Variants in DLC1 observed in about 807,000 individuals in gnomAD.
DLC1 encodes the protein rho GTPase-activating protein 7.
In DLC1, 54 loss-of-function variants were observed where a neutral mutation model predicts 140.3. The ratio of observed to expected loss-of-function variants is 0.38; its 90% CI spans 0.31 to 0.48. DLC1 has a LOEUF of 0.48. Ranked by LOEUF, DLC1 falls within the 20% of genes least tolerant of loss-of-function variation. The pLI is 0.96. For synonymous variants in DLC1, 986 were observed against 728.1 expected (o/e 1.35, Z -5.70); for missense variants, 2,536 against 1,907.0 (o/e 1.33, Z -6.14).
chr8:13,562,260 C>T (rs999079536), intron 1 of DLC1, among the ~76,000 whole-genome samples: 1 of 152,016 alleles, frequency 6.6e-6, no homozygotes, highest in Non-Finnish European at 1.5e-5. Flanking sequence ...CAAACTTTTA[C>T]ATGGCAAAAC....
upstream of DLC1, among the ~76,000 whole-genome samples, chr8:13,519,566 A>G (rs1802703206): frequency 6.6e-6 from 1 of 152,192 alleles, no homozygotes; most frequent in Non-Finnish European, 1.5e-5. Flanking sequence ...TTGACACCCA[A>G]CTTGGTAACC....
upstream of DLC1, chr8:13,515,628 C>T (rs780918113): frequency 6.6e-6 from 1 of 152,208 alleles, no homozygotes; most frequent in African/African-American, 2.4e-5. Flanking sequence ...CTGCATCCTT[C>T]GTCCGTCACA....
At chr8:13,460,180 G>C (rs1469250564) in intron 2 of DLC1, among the ~76,000 whole-genome samples, 1 of 152,190 alleles carries the variant, frequency 6.6e-6, no homozygotes, top group Non-Finnish European at 1.5e-5. Flanking sequence ...TGTATTGTCT[G>C]TATCATTTGG....
rs550264443 is a variant in DLC1, at chr8:13,478,071, TAAAG to T, written c.1023+20974_1023+20977del. On this transcript the variant is annotated intron_variant, in intron 2 of 17. Transcript: ENST00000276297. ...GTATTAGGTTGTTCTCGCATTGCTA[TAAAG>T]AAATACCCGAGACTGGGTAATTTAT... Among the ~76,000 whole-genome samples, 101 of 152,290 alleles carry T rather than the reference TAAAG, an allele frequency of 6.6e-4. 1 individual carries two copies. The highest frequency in any genetic ancestry group is 2.4e-3 in the African/African-American group (99 of 41,562).
chr8:13,402,259 C>T (rs1357583255), intron 2 of DLC1, among the ~76,000 whole-genome samples: 1 of 152,202 alleles, frequency 6.6e-6, no homozygotes, highest in Non-Finnish European at 1.5e-5. Flanking sequence ...TACTTATTCT[C>T]AGTTCTCTGT....
chr8:13,086,152 C>G (rs184422588), intron 17 of DLC1, 138 bp downstream of exon 17: 8 of 1,353,492 alleles, frequency 5.9e-6, no homozygotes, highest in South Asian at 4.5e-5. Flanking sequence ...ACATGAAATG[C>G]TACTTTCTAA....
At chr8:13,156,304 A>G (rs1585793705) in intron 5 of DLC1, among the ~76,000 whole-genome samples, 1 of 152,294 alleles carries the variant, frequency 6.6e-6, no homozygotes, top group East Asian at 1.9e-4. Flanking sequence ...TCCAAGTTAC[A>G]TTCACATACA....
intron 16 of DLC1, among the ~76,000 whole-genome samples, chr8:13,087,392 C>A (rs540821141): frequency 1.8e-4 from 28 of 152,212 alleles, no homozygotes; most frequent in African/African-American, 6.8e-4. Flanking sequence ...CAGAATGAAA[C>A]CATGTCCCCA....
intron 5 of DLC1, among the ~76,000 whole-genome samples, chr8:13,284,567 GA>G (rs1160164232): frequency 6.7e-6 from 1 of 148,550 alleles, no homozygotes; most frequent in East Asian, 1.9e-4. Context: ...GATAACAATA[GA>G]AAGCCCTGAA....
chr8:13,311,778 A>G (rs143808420), intron 4 of DLC1, among the ~76,000 whole-genome samples: 41 of 152,256 alleles, frequency 2.7e-4, no homozygotes, highest in African/African-American at 9.6e-4. Flanking sequence ...GCTCACAGGT[A>G]TGTCTGTAGT....
At chr8:13,090,730 T>G (rs1443707269) in intron 14 of DLC1, among the ~76,000 whole-genome samples, 1 of 152,192 alleles carries the variant, frequency 6.6e-6, no homozygotes. Context: ...ATTACATTGG[T>G]CAAAGCAGGT....
At position 13,282,024 on chromosome 8, in the gene DLC1, C is replaced by T. The variant is rs1439235916; in HGVS notation, c.1348+23245G>A. ...TAGATCATTTATTCTGGTTGAGATT[C>T]GAGGGTGGGAGAAGTGGATATCAGA... On this transcript the variant is annotated intron_variant, in intron 5 of 17. Coordinates refer to ENST00000276297, the MANE Select transcript of DLC1 (RefSeq NM_182643.3). 2.6e-5 allele frequency among the ~76,000 whole-genome samples: 4 copies of T among 152,030 alleles called. No individual in the cohort carries two copies. The East Asian group carries it at 7.7e-4, about 29-fold the overall frequency.
chr8:13,505,760 C>T (rs1366898961), intron 1 of DLC1, among the ~76,000 whole-genome samples: 9 of 152,164 alleles, frequency 5.9e-5, no homozygotes, highest in Non-Finnish European at 4.4e-5. Context: ...CTTTCAGTTT[C>T]CTTTCCTTCC....
At chr8:13,327,736 T>G (rs948773697) in intron 4 of DLC1, among the ~76,000 whole-genome samples, 1 of 152,256 alleles carries the variant, frequency 6.6e-6, no homozygotes, top group African/African-American at 2.4e-5. Context: ...ATATTAGCAG[T>G]GAACAAAGGT....
At chr8:13,535,548 A>G (rs1803247783) in intron 1 of DLC1, among the ~76,000 whole-genome samples, 1 of 151,876 alleles carries the variant, frequency 6.6e-6, no homozygotes, top group East Asian at 1.9e-4. Flanking sequence ...TTTCTAAACA[A>G]TTATTCTCTT....
rs751027595 is a variant in DLC1, at chr8:13,090,266, G to C, written c.4060C>G (p.Leu1354Val). ...VSYSTSEQAE[L>V]SYKKVSEGPP... Reference sequence around the variant, plus strand: ...TGAAGCCTTACCTTCTTATAGGACAGCTCAGCCTGCTCCGAAGTGGAGTAG... The same window carrying C: ...TGAAGCCTTACCTTCTTATAGGACACCTCAGCCTGCTCCGAAGTGGAGTAG... The change falls in exon 15 of 18, where the codon CTG (leucine) becomes GTG (valine). Residue 1354 changes from leucine to valine, a missense_variant. Leu to Val is a conservative substitution (Grantham distance 32). Transcript: ENST00000276297. 6.2e-7 allele frequency: 1 copy of C among 1,613,994 alleles called. No individual in the cohort carries two copies.
chr8:13,283,808 C>T (rs961655245), intron 5 of DLC1, among the ~76,000 whole-genome samples: 5 of 152,146 alleles, frequency 3.3e-5, no homozygotes, highest in Non-Finnish European at 7.3e-5. Context: ...AGCCACTCAG[C>T]GTGGCGTAGC....
intron 5 of DLC1, among the ~76,000 whole-genome samples, chr8:13,290,086 A>G (rs1831700306): frequency 6.6e-6 from 1 of 152,198 alleles, no homozygotes; most frequent in Admixed American, 6.5e-5. Flanking sequence ...TTATGGCAAT[A>G]ATACATATTC....
rs114317555 is a variant in DLC1 at position 13,445,808 on chromosome 8, T to C, written c.1024-44189A>G. Among the ~76,000 whole-genome samples, 518 of 152,298 alleles carry C rather than the reference T, an allele frequency of 3.4e-3. 3 individuals are homozygous for C. Among genetic ancestry groups the C allele is most frequent in the African/African-American group, 0.012 (493 of 41,578 alleles). ...TAGCTTAAAACCTGAAGAATCTGCA[T>C]ACTTAGCACCTGAAATTTCTCCAAG... is the stretch of plus-strand genomic sequence containing the variant. On this transcript the variant is annotated intron_variant, in intron 2 of 17. Coordinates refer to ENST00000276297, the MANE Select transcript of DLC1 (RefSeq NM_182643.3).
Sources: allele counts gnomAD v4.1 joint callset (sites outside exome capture counted in the v4.1 genomes callset), GRCh38; gene constraint gnomAD v4.1.1; transcripts MANE v1.5; gene names NCBI Gene and HGNC (gene_info 2026-07-23, HGNC 2026-07-21).